The following PCDHGB2 variants were observed in gnomAD, a reference collection of about 807,000 sequenced individuals.
The protein encoded by PCDHGB2 is protocadherin gamma-B2.
PCDHGB2 carries 55 observed loss-of-function variants against 59.3 expected under a neutral mutation model. The ratio of observed to expected loss-of-function variants is 0.93; its 90% CI spans 0.75 to 1.16. The LOEUF is 1.16. Among genes scored for constraint, PCDHGB2 ranks in the 50% most tolerant of loss-of-function variants. The pLI is 0.00. For synonymous variants in PCDHGB2, 516 were observed against 512.0 expected (o/e 1.01, Z -0.11); for missense variants, 1,228 against 1,198.5 (o/e 1.02, Z -0.36).
chr5:141,371,512 A>C, intron 1 of PCDHGB2: 2 of 1,613,868 alleles, frequency 1.2e-6, no homozygotes, highest in African/African-American at 2.7e-5. Flanking sequence ...AAAACACATG[A>C]TCTAGATTCT....
At chr5:141,394,306 G>T in intron 1 of PCDHGB2, 1 of 1,613,958 alleles carries the variant, frequency 6.2e-7, no homozygotes, top group Non-Finnish European at 8.5e-7. Context: ...ACGCTGCAGG[G>T]GGCGCCCCTG....
rs372065725 is a variant in PCDHGB2 at position 141,371,830 on chromosome 5, C to G, written c.2421+9274C>G. On this transcript the variant is annotated intron_variant, in intron 1 of 3. Coordinates refer to ENST00000522605, the MANE Select transcript of PCDHGB2 (RefSeq NM_018923.3). ...ATTGCGCATGTCAGAGCCTCGGATC[C>G]CGACTTGGGACCTAATGGCCTTGTC... 51 of 1,613,696 alleles carry G rather than the reference C, an allele frequency of 3.2e-5. No homozygotes were observed. Among genetic ancestry groups the G allele is most frequent in the Non-Finnish European group, 4.0e-5 (47 of 1,179,912 alleles).
intron 1 of PCDHGB2, among the ~76,000 whole-genome samples, chr5:141,439,104 A>G (rs924055175): frequency 6.6e-6 from 1 of 151,676 alleles, no homozygotes; most frequent in African/African-American, 2.4e-5. Flanking sequence ...GAGGCAAGAG[A>G]ATCACTTGAA....
At chr5:141,412,601 A>G (rs2095565422) in intron 1 of PCDHGB2, 1 of 152,188 alleles carries the variant, frequency 6.6e-6, no homozygotes, top group African/African-American at 2.4e-5. Context: ...ACTAAATAAA[A>G]TTGGCCTATT....
At chr5:141,389,990 C>G (rs2091998485) in intron 1 of PCDHGB2, 2 of 1,614,044 alleles carry the variant, frequency 1.2e-6, no homozygotes, top group Non-Finnish European at 1.7e-6. Flanking sequence ...TGCTCTTCCT[C>G]GTGGCCATGA....
At chr5:141,482,089 CAA>C (rs36035257) in intron 1 of PCDHGB2, among the ~76,000 whole-genome samples, 9,071 of 134,384 alleles carry the variant, frequency 0.068, 318 homozygotes, top group South Asian at 0.13. Context: ...CACTCCATCT[CAA>C]AAAAAAAAAA....
At chr5:141,473,343 T>G (rs1309426537) in intron 1 of PCDHGB2, among the ~76,000 whole-genome samples, 1 of 152,218 alleles carries the variant, frequency 6.6e-6, no homozygotes, top group African/African-American at 2.4e-5. Context: ...TGCTAGACAG[T>G]GAGGATGCAA....
intron 1 of PCDHGB2, chr5:141,365,337 C>T: frequency 1.9e-6 from 3 of 1,613,956 alleles, no homozygotes; most frequent in Non-Finnish European, 2.5e-6. Flanking sequence ...GTGGTGGTCA[C>T]AGTACAGGAC....
Position 141,491,834 on chromosome 5 carries a change from CG to C in PCDHGB2, c.2422-2970del. On this transcript the variant is annotated intron_variant, in intron 1 of 3. Transcript: ENST00000522605. This position sits in a 1 kb window ranked among gnomAD's most constrained non-coding sequence, Gnocchi z 6.9. ...CGCTGGCTGCGCTCCACCCGATTCT[CG>C]GGATCATTGGACCGTTTGCGCGAAA... 1 of 1,473,830 alleles carries C rather than the reference CG, an allele frequency of 6.8e-7. No homozygotes were observed. Among genetic ancestry groups the C allele is most frequent in the Middle Eastern group, 1.8e-4 (1 of 5,590 alleles). The allele number at this position is 1,473,830 out of a possible 1,614,324, so 91.3% of individuals were successfully genotyped here.
chr5:141,413,352 G>C lies in PCDHGB2; in HGVS notation c.2421+50796G>C, dbSNP rs896091511. ...ACATCTCCAAGGACTTGGGTCTGGC[G>C]CCCCGGGAGCTGGCGGAGCGCGGAG... On this transcript the variant is annotated intron_variant, in intron 1 of 3. Coordinates refer to ENST00000522605, the MANE Select transcript of PCDHGB2 (RefSeq NM_018923.3). 1.9e-6 allele frequency: 3 copies of C among 1,613,858 alleles called. No homozygotes were observed. In the African/African-American group the frequency reaches 4.0e-5, roughly 22 times the overall value.
intron 1 of PCDHGB2, chr5:141,426,648 A>G (rs1224402025): frequency 2.4e-6 from 1 of 418,088 alleles, no homozygotes; most frequent in Non-Finnish European, 4.9e-6. Flanking sequence ...AAATGTGATG[A>G]TAGAAGATAT....
intron 1 of PCDHGB2, chr5:141,404,643 AC>A (rs769032535): frequency 2.5e-6 from 4 of 1,614,126 alleles, no homozygotes; most frequent in East Asian, 4.5e-5. Flanking sequence ...GAAATCCTGT[AC>A]CCTGCCCTCC....
At position 141,477,284 on chromosome 5, in the gene PCDHGB2, G is replaced by A. The variant is rs751714522; in HGVS notation, c.2422-17523G>A. 5.0e-6 allele frequency: 8 copies of A among 1,614,150 alleles called. No homozygotes were observed. The South Asian group carries it at 6.6e-5, about 13-fold the overall frequency. ...TGGCGAGAACGGGCTGGTGACCTGC[G>A]AAGTTCCACCGGGTCTCCCTTTCAG... On this transcript the variant is annotated intron_variant, in intron 1 of 3. Transcript: ENST00000522605. This position sits in a 1 kb window ranked among gnomAD's most constrained non-coding sequence, Gnocchi z 4.9.
chr5:141,486,590 C>T lies in PCDHGB2; in HGVS notation c.2422-8217C>T, dbSNP rs781629297. On this transcript the variant is annotated intron_variant, in intron 1 of 3. Transcript: ENST00000522605. This position sits in a 1 kb window ranked among gnomAD's most constrained non-coding sequence, Gnocchi z 5.0. Reference sequence around the variant, plus strand: ...TCCTGAGAACAATCGCCCAGGGGACCTGCTTTGCTCCCTTGCAGCCTCTGA... The same window carrying T: ...TCCTGAGAACAATCGCCCAGGGGACTTGCTTTGCTCCCTTGCAGCCTCTGA... The T allele has an allele frequency of 6.2e-7, 1 of 1,613,640 alleles. No individual in the cohort carries two copies.
intron 1 of PCDHGB2, chr5:141,423,851 C>A (rs1311833319): frequency 2.4e-6 from 3 of 1,275,940 alleles, no homozygotes; most frequent in East Asian, 3.1e-5. Context: ...TCTTTCAGAA[C>A]GTTTTTGTGA....
rs776990176 is a variant in PCDHGB2 at position 141,485,136 on chromosome 5, C to A, written c.2422-9671C>A. ...GTTTGGGGCGGGTCGGCTTCATCCG[C>A]GTCTCAGGAGCAAGTAGAGAATTAG... On this transcript the variant is annotated intron_variant, in intron 1 of 3. Transcript: ENST00000522605. The surrounding 1 kb of genome is among the most constrained non-coding windows in gnomAD (Gnocchi z 5.7). The A allele has an allele frequency of 4.0e-6, 6 of 1,502,706 alleles. No individual in the cohort carries two copies. The South Asian group carries it at 5.9e-5, about 15-fold the overall frequency. The allele number at this position is 1,502,706 out of a possible 1,614,324, so 93.1% of individuals were successfully genotyped here.
Position 141,489,902 on chromosome 5 carries a change from C to A in PCDHGB2, c.2422-4905C>A. ...ACTGCTGTGGATGGGGGGACCCCAGCCCGCTCAGGGACCACCCTTATCTCT... is the reference window on the plus strand; with the variant it reads ...ACTGCTGTGGATGGGGGGACCCCAGACCGCTCAGGGACCACCCTTATCTCT... On this transcript the variant is annotated intron_variant, in intron 1 of 3. Transcript: ENST00000522605. The surrounding 1 kb of genome is among the most constrained non-coding windows in gnomAD (Gnocchi z 4.5). 1 of 1,614,218 alleles carries A rather than the reference C, an allele frequency of 6.2e-7. No individual in the cohort carries two copies. The highest frequency in any genetic ancestry group is 8.5e-7 in the Non-Finnish European group (1 of 1,180,032).
At chr5:141,478,785 A>C in intron 1 of PCDHGB2, 1 of 1,482,486 alleles carries the variant, frequency 6.7e-7, no homozygotes, top group Non-Finnish European at 9.0e-7. Flanking sequence ...GACCTAATTC[A>C]CATCCTCAGC....
chr5:141,364,479 A>G (rs761634575), intron 1 of PCDHGB2: 1 of 1,614,046 alleles, frequency 6.2e-7, no homozygotes, highest in East Asian at 2.2e-5. Flanking sequence ...AACATAGCCA[A>G]GGACCTTGGG....
Sources: gnomAD v4.1 joint callset for allele counts (sites outside exome capture counted in the v4.1 genomes callset) on GRCh38, gnomAD v4.1.1 for gene constraint, Gnocchi (gnomAD v3.1) non-coding constraint, MANE v1.5 for transcripts, NCBI Gene and HGNC (gene_info 2026-07-23, HGNC 2026-07-21) for gene names.